ABCB11: variants seen among roughly 807,000 people sequenced by gnomAD.
ABCB11 encodes the protein ATP binding cassette subfamily B member 11.
In ABCB11, 95 loss-of-function variants were observed where a neutral mutation model predicts 148.0. The observed-to-expected ratio is 0.64, with a 90% CI of 0.54 to 0.76. The LOEUF is 0.76. ABCB11 is among the 30% of genes least tolerant of loss of function. ABCB11 has a pLI of 0.00. For missense variants in ABCB11, 1,523 were observed against 1,617.8 expected, an observed-to-expected ratio of 0.94 and a Z score of 1.01; for synonymous variants, 591 against 555.4, an observed-to-expected ratio of 1.06 and a Z score of -0.90.
intron 5 of ABCB11, among the ~76,000 whole-genome samples, chr2:169,000,657 C>A (rs896082261): frequency 2.0e-5 from 3 of 152,138 alleles, no homozygotes; most frequent in Admixed American, 1.3e-4. Context: ...GTCAATGCCA[C>A]ACAGCCTTGA....
intron 1 of ABCB11, among the ~76,000 whole-genome samples, chr2:169,022,981 T>C (rs1485579734): frequency 2.0e-5 from 3 of 152,130 alleles, no homozygotes; most frequent in Non-Finnish European, 4.4e-5. Flanking sequence ...GCAACCCTAA[T>C]GAATAAATTT....
At chr2:168,927,113 C>T (rs1691349715) in intron 26 of ABCB11, 43 bp downstream of exon 26, 1 of 1,511,786 alleles carries the variant, frequency 6.6e-7, no homozygotes, top group South Asian at 1.1e-5. Flanking sequence ...TACTTCTCCC[C>T]ATCCTTGTCT....
chr2:168,988,490 A>G (rs1694403509), intron 9 of ABCB11, among the ~76,000 whole-genome samples: 1 of 152,104 alleles, frequency 6.6e-6, no homozygotes, highest in Non-Finnish European at 1.5e-5. Context: ...AAATTTACAC[A>G]CACATTTTCT....
intron 1 of ABCB11, among the ~76,000 whole-genome samples, chr2:169,022,952 A>T (rs77087263): frequency 0.036 from 5,245 of 144,404 alleles, 132 homozygotes; most frequent in East Asian, 0.062. Flanking sequence ...CTATAAAATT[A>T]AAAAAAAATC....
downstream of ABCB11, among the ~76,000 whole-genome samples, chr2:168,915,904 G>A (rs1428160251): frequency 2.0e-5 from 3 of 152,146 alleles, no homozygotes. Context: ...GTCGGATTGG[G>A]TGTCAAGAGA....
intron 1 of ABCB11, among the ~76,000 whole-genome samples, chr2:169,019,239 T>C (rs1181894224): frequency 6.6e-6 from 1 of 152,114 alleles, no homozygotes; most frequent in Admixed American, 6.6e-5. Context: ...GGGGGAGTTA[T>C]GAAAATCTTC....
intron 5 of ABCB11, among the ~76,000 whole-genome samples, chr2:168,997,066 G>C (rs1379975222): frequency 1.3e-5 from 2 of 151,948 alleles, no homozygotes. Flanking sequence ...CCCAGGGCTT[G>C]GTCCACTTTA....
At chr2:168,947,523 T>G (rs1182705074) in intron 19 of ABCB11, among the ~76,000 whole-genome samples, 1 of 151,672 alleles carries the variant, frequency 6.6e-6, no homozygotes, top group Non-Finnish European at 1.5e-5. Flanking sequence ...ATTTGCTGGG[T>G]CCATTCCCAC....
At chr2:169,018,024 T>G in intron 2 of ABCB11, 26 bp downstream of exon 2, 1 of 1,577,204 alleles carries the variant, frequency 6.3e-7, no homozygotes, top group Non-Finnish European at 8.7e-7. Flanking sequence ...TTGTACAAGA[T>G]GCAGTGAGGG....
intron 7 of ABCB11, 84 bp downstream of exon 7, chr2:168,995,264 AT>A: frequency 6.9e-7 from 1 of 1,443,840 alleles, no homozygotes; most frequent in Non-Finnish European, 9.3e-7. Context: ...AACTGAAAAT[AT>A]TTTTAAATTT....
At chr2:168,995,613 TGGGA>T in intron 6 of ABCB11, 131 bp from the exon 7 acceptor site, 1 of 970,774 alleles carries the variant, frequency 1.0e-6, no homozygotes, top group Non-Finnish European at 1.5e-6. Context: ...TGCCTCTTCT[TGGGA>T]ACTAAGATGT....
Position 168,964,398 on chromosome 2 carries a change from A to G in ABCB11, c.2076-90T>C, listed in dbSNP as rs747117986. On this transcript the variant is annotated intron_variant, in intron 17 of 27. Coordinates refer to ENST00000650372, the MANE Select transcript of ABCB11 (RefSeq NM_003742.4). ...GTCCAAGTTTACATTTCATATGTCA[A>G]ATAAATAGAAATGTTTGGTAGGTCA... The G allele has an allele frequency of 4.8e-5, 50 of 1,031,078 alleles. 1 individual carries two copies. Among genetic ancestry groups the G allele is most frequent in the Non-Finnish European group, 7.1e-5 (49 of 694,884 alleles). 63.9% of individuals were successfully genotyped at this position (1,031,078 alleles called of 1,614,324 possible).
chr2:168,978,038 G>C (rs1693988624), intron 11 of ABCB11, among the ~76,000 whole-genome samples: 1 of 150,382 alleles, frequency 6.6e-6, no homozygotes, highest in African/African-American at 2.5e-5. Context: ...ATTTTTAAAT[G>C]CCTTAATTTT....
At chr2:168,973,488 G>A (rs1263062960) in intron 13 of ABCB11, among the ~76,000 whole-genome samples, 1 of 151,966 alleles carries the variant, frequency 6.6e-6, no homozygotes, top group East Asian at 1.9e-4. Context: ...ACATCTGACT[G>A]TATCTGCACA....
intron 18 of ABCB11, among the ~76,000 whole-genome samples, chr2:168,958,483 G>A (rs1418372435): frequency 6.6e-6 from 1 of 151,692 alleles, no homozygotes; most frequent in East Asian, 1.9e-4. Context: ...TTATACCGGT[G>A]AGGACTGGTG....
At position 168,971,890 on chromosome 2, in the gene ABCB11, G is replaced by C; in HGVS notation, c.1595C>G (p.Ala532Gly). ...GAAGTTGTAGGCATTGGCCTCCTTGGCAGCTTGGACTATGTCTTCCATTGT... is the reference window on the plus strand; with the variant it reads ...GAAGTTGTAGGCATTGGCCTCCTTGCCAGCTTGGACTATGTCTTCCATTGT... The part of the protein sequence containing the change: ...DATMEDIVQA[A>G]KEANAYNFIM... Residue 532 changes from alanine (A) to glycine (G), a missense_variant, in exon 14 of 28, where the codon GCC (alanine) becomes GGC (glycine). Transcript: ENST00000650372. The C allele has an allele frequency of 6.2e-7, 1 of 1,612,968 alleles. No homozygotes were observed. The highest frequency in any genetic ancestry group is 8.5e-7 in the Non-Finnish European group (1 of 1,179,330).
intron 2 of ABCB11, 172 bp downstream of exon 2, chr2:169,017,878 C>A: frequency 1.3e-6 from 1 of 767,340 alleles, no homozygotes; most frequent in Non-Finnish European, 2.4e-6. Flanking sequence ...TCAGATATTA[C>A]GTTACATGGA....
chr2:168,966,883 TC>T (rs1362741541), intron 17 of ABCB11, among the ~76,000 whole-genome samples: 3 of 151,360 alleles, frequency 2.0e-5, no homozygotes, highest in Non-Finnish European at 3.0e-5. Flanking sequence ...GGATTTCTCA[TC>T]CTAATCACCA....
At position 169,013,329 on chromosome 2, in the gene ABCB11, G is replaced by T. The variant is rs1336006933; in HGVS notation, c.332C>A (p.Thr111Asn). 13 of 1,613,696 alleles carry T rather than the reference G, an allele frequency of 8.1e-6. No homozygotes were observed. Among genetic ancestry groups the T allele is most frequent in the Non-Finnish European group, 1.0e-5 (12 of 1,179,780 alleles). ...QIPGKACVNNTIVWTNSSLNQ... is the reference protein window; with the variant it reads ...QIPGKACVNNNIVWTNSSLNQ... ...GAGGGAACTGTTAGTCCATACAATG[G>T]TGTTATTCACACATGCTTTTCCTGG... Residue 111 changes from threonine (T) to asparagine (N), a missense_variant, in exon 5 of 28, where the codon ACC (threonine) becomes AAC (asparagine). Physicochemically the swap from Thr to Asn is moderately conservative, Grantham distance 65. Transcript: ENST00000650372.
Sources: allele counts gnomAD v4.1 joint callset (sites outside exome capture counted in the v4.1 genomes callset), GRCh38; gene constraint gnomAD v4.1.1; transcripts MANE v1.5; gene names NCBI Gene and HGNC (gene_info 2026-07-23, HGNC 2026-07-21).